The following CFAP70 variants were observed in gnomAD, a reference collection of about 807,000 sequenced individuals.
The protein encoded by CFAP70 is cilia- and flagella-associated protein 70.
Under a neutral mutation model 137.6 loss-of-function variants are expected in CFAP70, and 81 were observed. The ratio of observed to expected loss-of-function variants is 0.59; its 90% confidence interval spans 0.49 to 0.71. The LOEUF is 0.71. Among genes scored for constraint, CFAP70 ranks in the 30% least tolerant of loss-of-function variants. The pLI is 0.00. For synonymous variants in CFAP70, 382 were observed against 423.6 expected, an observed-to-expected ratio of 0.90 and a Z score of 1.20; for missense variants, 976 against 1,226.7, an observed-to-expected ratio of 0.80 and a Z score of 3.05.
chr10:73,312,988 C>T lies in CFAP70; in HGVS notation c.913-345G>A, dbSNP rs1339539078. ...GTGGCTCACACCTGTAATCCCAGAA[C>T]TTTGGCAGGAGGATTGTGTGAGCTC... is the stretch of plus-strand genomic sequence containing the variant. On this transcript the variant is annotated intron_variant, in intron 9 of 26. Coordinates refer to ENST00000310715, the Ensembl canonical transcript of CFAP70. Among the ~76,000 whole-genome samples, 5 of 152,160 alleles carry T rather than the reference C, an allele frequency of 3.3e-5. No individual in the cohort carries two copies. The South Asian group carries it at 6.2e-4, about 19-fold the overall frequency.
chr10:73,287,539 G>C (rs528170085), intron 19 of CFAP70, among the ~76,000 whole-genome samples: 6 of 152,208 alleles, frequency 3.9e-5, no homozygotes, highest in African/African-American at 1.2e-4. Flanking sequence ...TTATTAATGT[G>C]TATTGTAGAA....
chr10:73,290,238 A>C (rs1170236764), intron 19 of CFAP70, among the ~76,000 whole-genome samples: 3 of 152,196 alleles, frequency 2.0e-5, no homozygotes, highest in Non-Finnish European at 4.4e-5. Context: ...TTTAAATCTC[A>C]AAGTAATTAT....
chr10:73,353,718 C>G, exon 3 of CFAP70: 4 of 1,614,174 alleles, frequency 2.5e-6, no homozygotes, highest in Non-Finnish European at 3.4e-6. Flanking sequence ...ATAAAGGTAA[C>G]TGGAGTATCT....
chr10:73,254,736 C>T (rs2044298164), intron 26 of CFAP70, among the ~76,000 whole-genome samples: 1 of 151,976 alleles, frequency 6.6e-6, no homozygotes, highest in Non-Finnish European at 1.5e-5. Context: ...TTCCTTTTCC[C>T]CTTATTGTTC....
intron 1 of CFAP70, among the ~76,000 whole-genome samples, chr10:73,355,502 G>C (rs2054599967): frequency 6.6e-6 from 1 of 152,212 alleles, no homozygotes. Flanking sequence ...ATATAGGCTA[G>C]GCACGGTGGC....
chr10:73,362,973 T>A, upstream of CFAP70, among the ~76,000 whole-genome samples: 1 of 90,880 alleles, frequency 1.1e-5, no homozygotes, highest in African/African-American at 6.4e-5. Flanking sequence ...TATAAGAAAC[T>A]CAACACCAAA....
At chr10:73,295,191 C>A in intron 15 of CFAP70, 1 of 153,156 alleles carries the variant, frequency 6.5e-6, no homozygotes. Flanking sequence ...TGGTGTGCAC[C>A]TGTAGTCCCA....
intron 1 of CFAP70, among the ~76,000 whole-genome samples, chr10:73,357,710 T>C (rs1159262492): frequency 6.6e-6 from 1 of 152,230 alleles, no homozygotes; most frequent in Non-Finnish European, 1.5e-5. Flanking sequence ...GCTTAGTATT[T>C]TTCAAAGATT....
At chr10:73,263,083 C>A (rs2045422761) in intron 25 of CFAP70, among the ~76,000 whole-genome samples, 1 of 152,076 alleles carries the variant, frequency 6.6e-6, no homozygotes, top group Non-Finnish European at 1.5e-5. Flanking sequence ...CCAATAATAT[C>A]ATTCATTCAT....
Position 73,321,756 on chromosome 10 carries a change from TAAC to T in CFAP70, c.912+1204_912+1206del, listed in dbSNP as rs991365400. On this transcript the variant is annotated intron_variant, in intron 9 of 26. Transcript: ENST00000310715. ...ACATGGATTTCAGTTTTTCCATATTTAACAACAACAGACTTTTTTTTTCTTTTT... is the reference window on the plus strand; with the variant it reads ...ACATGGATTTCAGTTTTTCCATATTTAACAACAGACTTTTTTTTTCTTTTT... Among the ~76,000 whole-genome samples, 5 of 152,232 alleles carry T rather than the reference TAAC, an allele frequency of 3.3e-5. No individual in the cohort carries two copies. The East Asian group carries it at 5.8e-4, about 18-fold the overall frequency.
intron 7 of CFAP70, among the ~76,000 whole-genome samples, chr10:73,334,483 G>C (rs2052434804): frequency 6.6e-6 from 1 of 152,116 alleles, no homozygotes; most frequent in Non-Finnish European, 1.5e-5. Context: ...ATACAACCTT[G>C]TGGATGGAAG....
intron 8 of CFAP70, among the ~76,000 whole-genome samples, chr10:73,327,806 G>C (rs2051626357): frequency 6.6e-6 from 1 of 152,088 alleles, no homozygotes; most frequent in South Asian, 2.1e-4. Flanking sequence ...TCTTCAAGGA[G>C]AACTACAAAC....
intron 23 of CFAP70, among the ~76,000 whole-genome samples, chr10:73,273,591 G>A (rs529065150): frequency 2.6e-5 from 4 of 152,260 alleles, no homozygotes; most frequent in East Asian, 1.9e-4. Context: ...CTGCTTGCCC[G>A]GGGTCTGCCT....
At chr10:73,357,697 C>G (rs2054779011) in intron 1 of CFAP70, among the ~76,000 whole-genome samples, 1 of 152,186 alleles carries the variant, frequency 6.6e-6, no homozygotes, top group African/African-American at 2.4e-5. Flanking sequence ...AGCTTATGCT[C>G]TTGCTTAGTA....
intron 19 of CFAP70, among the ~76,000 whole-genome samples, chr10:73,284,740 A>C (rs148286030): frequency 0.44 from 1,380 of 3,110 alleles, 132 homozygotes; most frequent in African/African-American, 0.53. Context: ...GACCTGCCAC[A>C]TATATATATA....
At chr10:73,297,215 C>A in intron 14 of CFAP70, 42 bp from the exon 16 acceptor site, 1 of 1,587,168 alleles carries the variant, frequency 6.3e-7, no homozygotes, top group South Asian at 1.2e-5. Context: ...TACAGTCCAG[C>A]ACCATGCTGA....
At chr10:73,325,817 G>A (rs950187114) in intron 8 of CFAP70, among the ~76,000 whole-genome samples, 48 of 152,120 alleles carry the variant, frequency 3.2e-4, no homozygotes, top group African/African-American at 1.0e-3. Flanking sequence ...CCCAATACAG[G>A]AGCACCCACA....
At chr10:73,256,608 A>T (rs185965744) in intron 25 of CFAP70, among the ~76,000 whole-genome samples, 192 bp from the exon 27 acceptor site, 2,495 of 151,612 alleles carry the variant, frequency 0.016, 24 homozygotes, top group African/African-American at 0.029. Flanking sequence ...TTTTTTTTTT[A>T]AAAAATTCCT....
At chr10:73,342,524 T>C (rs2053337605) in intron 5 of CFAP70, among the ~76,000 whole-genome samples, 1 of 151,746 alleles carries the variant, frequency 6.6e-6, no homozygotes, top group East Asian at 1.9e-4. Context: ...GCCTAGGTGA[T>C]GGAGTGAGAC....
Sources: gnomAD v4.1 joint callset for allele counts (sites outside exome capture counted in the v4.1 genomes callset) on GRCh38, gnomAD v4.1.1 for gene constraint, MANE v1.5 for transcripts, NCBI Gene and HGNC (gene_info 2026-07-23, HGNC 2026-07-21) for gene names.